TXNL4A: variants seen among roughly 807,000 people sequenced by gnomAD.
The protein encoded by TXNL4A is thioredoxin like 4A, also known as thioredoxin-like protein 4A.
In TXNL4A, 17 loss-of-function variants were observed where a neutral mutation model predicts 14.6. That is an observed-to-expected ratio of 1.16 (90% CI 0.80 to 1.74). The LOEUF (loss-of-function observed/expected upper bound fraction) is 1.74, where lower values mean the gene tolerates loss of function less well. Among genes scored for constraint, TXNL4A ranks in the 40% most tolerant of loss-of-function variants. The pLI is 0.00. For synonymous variants in TXNL4A, 83 were observed against 70.6 expected (o/e 1.18, Z -0.88); for missense variants, 74 against 195.2 (o/e 0.38, Z 3.70).
chr18:79,973,653 CACG>C lies in TXNL4A; in HGVS notation c.*29_*31del, dbSNP rs1568359807. Reference sequence around the variant, plus strand: ...AAACGTTTCCATACAAAAAGGGCTCCACGACATTTATCCGCGCAGACTGAGGGC... The same window carrying C: ...AAACGTTTCCATACAAAAAGGGCTCCACATTTATCCGCGCAGACTGAGGGC... On this transcript the variant is annotated 3_prime_UTR_variant, in exon 3 of 3. Coordinates refer to ENST00000269601, the MANE Select transcript of TXNL4A (RefSeq NM_006701.5). 1.3e-6 allele frequency: 2 copies of C among 1,578,132 alleles called. No individual in the cohort carries two copies. Among genetic ancestry groups the C allele is most frequent in the East Asian group, 2.3e-5 (1 of 44,382 alleles).
upstream of TXNL4A, among the ~76,000 whole-genome samples, chr18:79,992,876 TAAAAAAAAAAAA>T (rs59567705): frequency 3.8e-5 from 3 of 78,600 alleles, no homozygotes; most frequent in African/African-American, 1.4e-4. Context: ...TCATCTTATG[TAAAAAAAAAAAA>T]AAAAAAAAAA....
intron 1 of TXNL4A, among the ~76,000 whole-genome samples, chr18:79,979,934 G>GT (rs1599718496): frequency 6.6e-6 from 1 of 152,300 alleles, no homozygotes; most frequent in East Asian, 1.9e-4. Context: ...GAGTTAAACT[G>GT]TGTCCCCAAA....
chr18:79,979,081 G>C (rs927496058), intron 1 of TXNL4A, among the ~76,000 whole-genome samples: 1 of 151,884 alleles, frequency 6.6e-6, no homozygotes, highest in Non-Finnish European at 1.5e-5. Context: ...GGGATTACAG[G>C]TGTGTGCCAC....
chr18:79,989,792 C>G (rs994158949), upstream of TXNL4A, among the ~76,000 whole-genome samples: 4 of 152,188 alleles, frequency 2.6e-5, no homozygotes, highest in African/African-American at 9.6e-5. Context: ...GTCGGGAGTT[C>G]AAGACCAGTC....
intron 1 of TXNL4A, among the ~76,000 whole-genome samples, chr18:79,981,834 G>A (rs2051469146): frequency 1.3e-5 from 2 of 152,332 alleles, no homozygotes; most frequent in Middle Eastern, 3.4e-3. Flanking sequence ...CCACGAGAAC[G>A]TGAACATCCT....
chr18:80,003,113 G>A lies in TXNL4A; in HGVS notation c.-60-25412C>T, dbSNP rs114594449. 6.4e-3 allele frequency among the ~76,000 whole-genome samples: 972 copies of A among 152,350 alleles called. 11 individuals are homozygous for A. The highest frequency in any genetic ancestry group is 0.021 in the African/African-American group (892 of 41,572). On this transcript the variant is annotated intron_variant, in intron 1 of 2. Coordinates refer to the TXNL4A transcript ENST00000585474. ...CTGGCCAAGCTTACGCACTGACTGCGGCTTTCTCTGCTGTCTTGGCTCCTG... is the reference window on the plus strand; with the variant it reads ...CTGGCCAAGCTTACGCACTGACTGCAGCTTTCTCTGCTGTCTTGGCTCCTG...
chr18:80,013,240 A>G (rs1332452296), intron 1 of TXNL4A, among the ~76,000 whole-genome samples: 1 of 149,460 alleles, frequency 6.7e-6, no homozygotes, highest in Non-Finnish European at 1.5e-5. Context: ...CTCCTGCCTC[A>G]GCCTCCTGAG....
At chr18:80,017,608 G>C (rs1273649124) in intron 1 of TXNL4A, among the ~76,000 whole-genome samples, 33 of 151,824 alleles carry the variant, frequency 2.2e-4, no homozygotes, top group Non-Finnish European at 3.7e-4. Context: ...TTTTCTGCAT[G>C]TATTGAGATA....
chr18:80,022,354 C>T (rs976862219), intron 1 of TXNL4A, among the ~76,000 whole-genome samples: 3 of 152,160 alleles, frequency 2.0e-5, no homozygotes, highest in Non-Finnish European at 2.9e-5. Context: ...GCTTGCCTGA[C>T]GTGGCTGCCA....
chr18:80,027,176 C>T (rs2051890116), intron 1 of TXNL4A, among the ~76,000 whole-genome samples: 1 of 152,070 alleles, frequency 6.6e-6, no homozygotes, highest in African/African-American at 2.4e-5. Context: ...TAAGAAACCC[C>T]TACTCAACCT....
chr18:79,982,676 CAG>C lies in TXNL4A; in HGVS notation c.154-4977_154-4976del, dbSNP rs1408415274. ...CTGCAGGGGCTGAAGGACTGAGGAA[CAG>C]AGGACTTCAGTGTGGACAACTTTCA... On this transcript the variant is annotated intron_variant, in intron 1 of 2. Coordinates refer to ENST00000269601, the MANE Select transcript of TXNL4A (RefSeq NM_006701.5). The surrounding 1 kb of genome is among the most constrained non-coding windows in gnomAD (Gnocchi z 4.0). Among the ~76,000 whole-genome samples, 16 of 152,150 alleles carry C rather than the reference CAG, an allele frequency of 1.1e-4. No individual in the cohort carries two copies. Among genetic ancestry groups the C allele is most frequent in the Admixed American group, 1.0e-3 (16 of 15,274 alleles).
chr18:79,971,999 T>G lies in TXNL4A; in HGVS notation c.*1686A>C, dbSNP rs2051307255. 1 of 152,258 alleles carries G rather than the reference T, an allele frequency of 6.6e-6. No individual in the cohort carries two copies. The highest frequency in any genetic ancestry group is 2.4e-5 in the African/African-American group (1 of 41,466). The allele number at this position is 152,258 out of a possible 1,614,324, so 9.4% of individuals were successfully genotyped here. On this transcript the variant is annotated 3_prime_UTR_variant, in exon 3 of 3. Transcript: ENST00000269601. ...ACTTTATACATAGAAAAATCAGCAC[T>G]TGGGAGATTAAACTGCAGATTTGCA... is the stretch of plus-strand genomic sequence containing the variant.
At chr18:80,021,182 CT>C (rs71163850) in intron 1 of TXNL4A, among the ~76,000 whole-genome samples, 49,858 of 147,660 alleles carry the variant, frequency 0.34, 8,740 homozygotes, top group South Asian at 0.49. Flanking sequence ...TTGGAGGGAT[CT>C]TTTTTTTTTT....
chr18:80,029,352 C>T (rs1292407569), intron 1 of TXNL4A, among the ~76,000 whole-genome samples: 1 of 152,146 alleles, frequency 6.6e-6, no homozygotes, highest in African/African-American at 2.4e-5. Context: ...TCCAGCTGGA[C>T]CTTTTGAGGT....
At chr18:79,976,694 T>C (rs1328454401) in intron 2 of TXNL4A, 2 of 443,958 alleles carry the variant, frequency 4.5e-6, no homozygotes, top group African/African-American at 2.0e-5. Flanking sequence ...GCATACCCTA[T>C]ACAACCCACC....
chr18:79,973,722 AC>A lies in TXNL4A; in HGVS notation c.391del (p.Val131CysfsTer59), dbSNP rs1157871001. The A allele has an allele frequency of 6.2e-7, 1 of 1,614,180 alleles. No homozygotes were observed. The highest frequency in any genetic ancestry group is 8.5e-7 in the Non-Finnish European group (1 of 1,180,044). ...RGARKGRGLVVSPKDYSTKYR... is the reference protein window; with the variant it reads ...RGARKGRGLVXSPKDYSTKYR... ...CTTGGTGGAGTAGTCCTTGGGGGAC[AC>A]CACCAGGCCGCGGCCTTTGCGGGCC... On this transcript the variant is annotated frameshift_variant, in exon 3 of 3. Coordinates refer to ENST00000269601, the MANE Select transcript of TXNL4A (RefSeq NM_006701.5). LOFTEE classifies it high-confidence loss of function.
upstream of TXNL4A, among the ~76,000 whole-genome samples, chr18:79,990,932 G>A (rs368481851): frequency 0.016 from 2,460 of 151,424 alleles, 58 homozygotes; most frequent in African/African-American, 0.053. Context: ...GTGAAACCCC[G>A]TCTCTACTAA....
intron 1 of TXNL4A, among the ~76,000 whole-genome samples, chr18:80,019,047 T>C (rs1427119261): frequency 6.6e-6 from 1 of 152,200 alleles, no homozygotes; most frequent in African/African-American, 2.4e-5. Flanking sequence ...GTTCCAAACT[T>C]TCCTACACTT....
chr18:79,988,141 T>C (rs1189144003), intron 1 of TXNL4A, 99 bp downstream of exon 1: 4 of 1,296,684 alleles, frequency 3.1e-6, no homozygotes, highest in African/African-American at 3.0e-5. Context: ...CGGCCCCTCC[T>C]CGGGGAACAG....
Sources: allele counts gnomAD v4.1 joint callset (sites outside exome capture counted in the v4.1 genomes callset), GRCh38; gene constraint gnomAD v4.1.1; non-coding constraint Gnocchi (gnomAD v3.1); transcripts MANE v1.5; gene names NCBI Gene and HGNC (gene_info 2026-07-23, HGNC 2026-07-21).